Variants in ANO4 observed in about 807,000 individuals in gnomAD.
The protein encoded by ANO4 is anoctamin-4.
In ANO4, 69 loss-of-function variants were observed where a neutral mutation model predicts 141.9. That is an observed-to-expected ratio of 0.49 (90% confidence interval 0.40 to 0.59). The LOEUF (loss-of-function observed/expected upper bound fraction) is 0.59. ANO4 is among the 20% of genes least tolerant of loss of function. The probability of loss-of-function intolerance (pLI) is 0.00; values close to 1 mark genes in which losing one functional copy is unlikely to be tolerated. For missense variants in ANO4, 894 were observed against 1,162.2 expected (o/e 0.77, Z 3.36); for synonymous variants, 350 against 394.3 (o/e 0.89, Z 1.33).
chr12:100,777,204 T>A (rs548859835), intron 3 of ANO4, among the ~76,000 whole-genome samples: 1 of 146,416 alleles, frequency 6.8e-6, no homozygotes, highest in East Asian at 2.1e-4. Flanking sequence ...GCAATTCTTG[T>A]GCCTCAGCCT....
At chr12:100,765,248 C>G (rs2033027053) in intron 3 of ANO4, among the ~76,000 whole-genome samples, 1 of 152,110 alleles carries the variant, frequency 6.6e-6, no homozygotes, top group Admixed American at 6.6e-5. Context: ...TCTGTACTCT[C>G]TTATGACCCT....
At chr12:100,879,774 G>A (rs2039482537) in intron 1 of ANO4, among the ~76,000 whole-genome samples, 1 of 152,154 alleles carries the variant, frequency 6.6e-6, no homozygotes, top group South Asian at 2.1e-4. Context: ...TGCCTTCTAA[G>A]TGTCAGAAAC....
chr12:100,760,786 A>G (rs2032824997), intron 3 of ANO4, among the ~76,000 whole-genome samples: 2 of 152,308 alleles, frequency 1.3e-5, no homozygotes, highest in South Asian at 4.1e-4. Context: ...GGGCCAGCCC[A>G]AGAGGTGAGA....
intron 7 of ANO4, among the ~76,000 whole-genome samples, chr12:100,984,279 T>C (rs935189608): frequency 6.6e-6 from 1 of 152,158 alleles, no homozygotes; most frequent in African/African-American, 2.4e-5. Context: ...GTATTTTTAG[T>C]AGAGATGGGG....
At chr12:100,740,648 A>G (rs775098786) in intron 3 of ANO4, among the ~76,000 whole-genome samples, 9 of 152,192 alleles carry the variant, frequency 5.9e-5, no homozygotes, top group Non-Finnish European at 1.2e-4. Context: ...TTGCTCCACC[A>G]AATTGATCTA....
chr12:100,958,145 C>G lies in ANO4; in HGVS notation c.457-13161C>G, dbSNP rs940450700. On this transcript the variant is annotated intron_variant, in intron 5 of 27. Coordinates refer to ENST00000392977, the MANE Select transcript of ANO4 (RefSeq NM_001286615.2). ...ACTTATTTGCCGGGCAAAGCCCCGA[C>G]CATGGTTAAACTGCATCTTGTTCAT... Among the ~76,000 whole-genome samples, 4 of 152,240 alleles carry G rather than the reference C, an allele frequency of 2.6e-5. No homozygotes were observed. In the South Asian group the frequency reaches 8.3e-4, roughly 32 times the overall value.
At chr12:101,093,897 C>T (rs888946127) in intron 17 of ANO4, among the ~76,000 whole-genome samples, 2 of 152,116 alleles carry the variant, frequency 1.3e-5, no homozygotes, top group Non-Finnish European at 2.9e-5. Context: ...AGAGATTTTA[C>T]GTTCAAGATG....
chr12:101,119,241 T>G (rs1454443603), intron 25 of ANO4, among the ~76,000 whole-genome samples: 1 of 152,026 alleles, frequency 6.6e-6, no homozygotes, highest in Non-Finnish European at 1.5e-5. Flanking sequence ...GTAGATAGCT[T>G]AAGGTCAAGA....
chr12:101,107,187 G>A (rs1303996040), intron 22 of ANO4, among the ~76,000 whole-genome samples: 3 of 152,114 alleles, frequency 2.0e-5, no homozygotes, highest in African/African-American at 7.2e-5. Flanking sequence ...ATCTCTGTCA[G>A]TTTTATTTCT....
At chr12:100,726,908 C>T (rs558336831) in intron 1 of ANO4, among the ~76,000 whole-genome samples, 1 of 152,136 alleles carries the variant, frequency 6.6e-6, no homozygotes, top group East Asian at 1.9e-4. Flanking sequence ...AATTTATACA[C>T]ACACACACAC....
chr12:100,987,647 T>C lies in ANO4; in HGVS notation c.711T>C (p.Pro237=). The change falls in exon 8 of 28, where the codon CCT becomes CCC. Residue 237 remains proline (P), a synonymous_variant. Coordinates refer to ENST00000392977, the MANE Select transcript of ANO4 (RefSeq NM_001286615.2). Reference sequence around the variant, plus strand: ...AGGAGAATGACTGCTACACTGCCCCTTTCAGCCAGCAAAGGATCCATCAGT... The same window carrying C: ...AGGAGAATGACTGCTACACTGCCCCCTTCAGCCAGCAAAGGATCCATCAGT... ...DLEENDCYTA[P]FSQQRIHHFI... 1 of 1,614,004 alleles carries C rather than the reference T, an allele frequency of 6.2e-7. No individual in the cohort carries two copies. The highest frequency in any genetic ancestry group is 1.3e-5 in the African/African-American group (1 of 75,020).
chr12:100,925,215 C>G (rs1421221668), intron 3 of ANO4, among the ~76,000 whole-genome samples: 1 of 151,938 alleles, frequency 6.6e-6, no homozygotes, highest in Non-Finnish European at 1.5e-5. Context: ...AATTTTTAGC[C>G]AGTTCATGGA....
At chr12:100,919,430 T>C (rs924739527) in intron 2 of ANO4, among the ~76,000 whole-genome samples, 1 of 152,162 alleles carries the variant, frequency 6.6e-6, no homozygotes, top group African/African-American at 2.4e-5. Context: ...TTTCTTTGTT[T>C]AGGTATTCAA....
chr12:100,895,269 C>T (rs1432188459), intron 1 of ANO4, among the ~76,000 whole-genome samples: 1 of 151,878 alleles, frequency 6.6e-6, no homozygotes, highest in African/African-American at 2.4e-5. Context: ...AAGAGTAATG[C>T]AACACATAGA....
At chr12:100,987,485 T>G (rs2044758248) in intron 7 of ANO4, 54 bp from the exon 8 acceptor site, 2 of 1,591,382 alleles carry the variant, frequency 1.3e-6, no homozygotes, top group African/African-American at 1.3e-5. Context: ...CTCCTGTGTT[T>G]CAGGGCATTG....
chr12:100,803,943 C>G (rs2034843961), intron 1 of ANO4, among the ~76,000 whole-genome samples: 3 of 147,230 alleles, frequency 2.0e-5, no homozygotes, highest in African/African-American at 2.5e-5. Context: ...CTTAGCAGAG[C>G]TTTTTTTTTT....
At chr12:101,104,649 AT>A (rs2050359991) in intron 22 of ANO4, among the ~76,000 whole-genome samples, 3 of 83,464 alleles carry the variant, frequency 3.6e-5, no homozygotes, top group African/African-American at 1.4e-4. Flanking sequence ...ATATATATAT[AT>A]ATATATATAT....
chr12:100,772,367 C>T (rs1418725002), intron 3 of ANO4, among the ~76,000 whole-genome samples: 2 of 152,164 alleles, frequency 1.3e-5, no homozygotes, highest in Admixed American at 6.5e-5. Flanking sequence ...GTTTCCCTAC[C>T]TCTTTTCTTT....
chr12:101,103,183 T>TTATATATATATA (rs71091476), intron 22 of ANO4, among the ~76,000 whole-genome samples: 4 of 18,594 alleles, frequency 2.2e-4, no homozygotes, highest in African/African-American at 6.0e-4. Flanking sequence ...TTTAGTCATT[T>TTATATATATATA]TATATATATA....
Sources: allele counts gnomAD v4.1 joint callset (sites outside exome capture counted in the v4.1 genomes callset), GRCh38; gene constraint gnomAD v4.1.1; transcripts MANE v1.5; gene names NCBI Gene and HGNC (gene_info 2026-07-23, HGNC 2026-07-21).